The following NUMB variants were observed in gnomAD, a reference collection of about 807,000 sequenced individuals.
The protein encoded by NUMB is protein numb homolog.
Under a neutral mutation model 59.7 loss-of-function variants are expected in NUMB, and 29 were observed. The ratio of observed to expected loss-of-function variants is 0.49; its 90% CI spans 0.36 to 0.66. The LOEUF (loss-of-function observed/expected upper bound fraction) is 0.66. Among genes scored for constraint, NUMB ranks in the 30% least tolerant of loss-of-function variants. NUMB has a pLI of 0.00. For synonymous variants in NUMB, 288 were observed against 288.2 expected (o/e 1.00, Z 0.01); for missense variants, 723 against 822.0 (o/e 0.88, Z 1.47).
At chr14:73,301,513 C>T (rs1256800116) in intron 6 of NUMB, among the ~76,000 whole-genome samples, 1 of 152,220 alleles carries the variant, frequency 6.6e-6, no homozygotes, top group Non-Finnish European at 1.5e-5. Context: ...GGACAGCTCA[C>T]TGCAGCCTTG....
At chr14:73,386,053 A>AT (rs953803384) in intron 2 of NUMB, among the ~76,000 whole-genome samples, 8 of 151,212 alleles carry the variant, frequency 5.3e-5, no homozygotes, top group East Asian at 3.9e-4. Context: ...GGAACCTCCT[A>AT]TTTTTTTTTA....
chr14:73,288,237 G>A (rs1207602672), intron 8 of NUMB, among the ~76,000 whole-genome samples: 14 of 151,488 alleles, frequency 9.2e-5, no homozygotes, highest in East Asian at 5.8e-4. Flanking sequence ...AACACAGTGA[G>A]ACTCTGTCTC....
intron 1 of NUMB, among the ~76,000 whole-genome samples, chr14:73,451,147 C>A (rs1883910045): frequency 9.9e-6 from 1 of 100,860 alleles, no homozygotes; most frequent in Non-Finnish European, 1.9e-5. Context: ...GAGCAGGACT[C>A]TGTCTCAAAA....
chr14:73,385,911 C>G (rs1895497223), intron 2 of NUMB, among the ~76,000 whole-genome samples: 1 of 152,224 alleles, frequency 6.6e-6, no homozygotes, highest in East Asian at 1.9e-4. Context: ...ATAGTTAAGG[C>G]CCACAGTTAC....
chr14:73,352,423 A>AATAT lies in NUMB; in HGVS notation c.126+3199_126+3202dup, dbSNP rs575830888. 8.4e-3 allele frequency among the ~76,000 whole-genome samples: 657 copies of AATAT among 77,780 alleles called. 36 individuals carry two copies. Among genetic ancestry groups the AATAT allele is most frequent in the African/African-American group, 0.036 (627 of 17,224 alleles). The allele number at this position is 77,780 out of a possible 152,430, so 51.0% of individuals were successfully genotyped here. On this transcript the variant is annotated intron_variant, in intron 4 of 12. Coordinates refer to ENST00000555238, the MANE Select transcript of NUMB (RefSeq NM_001005743.2). ...AAAAGTATTTACCTTGGGTTGTAATAATATATATATACACACACACACACA... is the reference window on the plus strand; with the variant it reads ...AAAAGTATTTACCTTGGGTTGTAATAATATATATATATATACACACACACACACA...
chr14:73,352,437 C>T (rs752328150), intron 4 of NUMB, among the ~76,000 whole-genome samples: 7,250 of 25,520 alleles, frequency 0.28, 1,081 homozygotes, highest in Non-Finnish European at 0.29. Context: ...TATATATACA[C>T]ACACACACAC....
At chr14:73,366,759 C>T (rs1478836598) in intron 3 of NUMB, 138 bp downstream of exon 3, 1 of 152,180 alleles carries the variant, frequency 6.6e-6, no homozygotes, top group Admixed American at 6.5e-5. Flanking sequence ...GACAAAAACA[C>T]TCAGCATTAA....
intron 1 of NUMB, among the ~76,000 whole-genome samples, chr14:73,417,061 C>G (rs376639485): frequency 6.6e-6 from 1 of 151,792 alleles, no homozygotes; most frequent in African/African-American, 2.4e-5. Flanking sequence ...GAGAGGAGAT[C>G]GGTCACAGGA....
intron 1 of NUMB, chr14:73,457,804 A>C (rs1400494578): frequency 2.6e-5 from 4 of 152,298 alleles, no homozygotes; most frequent in African/African-American, 9.7e-5. Context: ...GACCCTCCGA[A>C]GACCTGCTGC....
intron 1 of NUMB, among the ~76,000 whole-genome samples, chr14:73,448,993 C>CG: frequency 7.2e-6 from 1 of 138,338 alleles, no homozygotes; most frequent in East Asian, 3.7e-4. Context: ...CAAATATATT[C>CG]GGAAAAAAAA....
chr14:73,276,831 C>T lies in NUMB; in HGVS notation c.1703G>A (p.Ser568Asn). The change falls in exon 13 of 13, where the codon AGC becomes AAC. Residue 568 changes from serine to asparagine, a missense_variant. Around this residue, in one of 2 missense-constraint regions of NUMB, gnomAD observed 406 missense variants for 385.4 expected, o/e 1.05. Transcript: ENST00000555238. ...RQQTFPHYEASSATTSPFFKP... is the reference protein window; with the variant it reads ...RQQTFPHYEANSATTSPFFKP... ...AAAGAAGGGACTGGTGGTAGCACTG[C>T]TTGCCTCGTAGTGAGGGAATGTCTG... 6.2e-7 allele frequency: 1 copy of T among 1,614,136 alleles called. No homozygotes were observed. Among genetic ancestry groups the T allele is most frequent in the Non-Finnish European group, 8.5e-7 (1 of 1,180,002 alleles).
At chr14:73,320,137 G>C (rs1177107370) in intron 5 of NUMB, among the ~76,000 whole-genome samples, 3 of 151,740 alleles carry the variant, frequency 2.0e-5, no homozygotes, top group African/African-American at 7.3e-5. Flanking sequence ...GACTCGGCGG[G>C]GGGGCAAAAA....
chr14:73,318,843 T>C (rs1439429068), intron 5 of NUMB, among the ~76,000 whole-genome samples: 1 of 150,286 alleles, frequency 6.7e-6, no homozygotes, highest in African/African-American at 2.5e-5. Context: ...TGTTTAGTTA[T>C]AATATTTTTT....
intron 8 of NUMB, among the ~76,000 whole-genome samples, chr14:73,289,190 C>T (rs950387069): frequency 2.7e-5 from 4 of 146,182 alleles, no homozygotes; most frequent in Non-Finnish European, 4.7e-5. Flanking sequence ...CCAACTCTAC[C>T]TCCCAACCAA....
Position 73,432,010 on chromosome 14 carries a change from C to CTCAAAAG in NUMB, c.-232-21949_-232-21943dup, listed in dbSNP as rs543565080. On this transcript the variant is annotated intron_variant, in intron 1 of 12. Transcript: ENST00000555238. ...AAAATTCAGGTATTTTAGCAGCACTCTCAAAAGTCCAGGCATAATTTTACT... is the reference window on the plus strand; with the variant it reads ...AAAATTCAGGTATTTTAGCAGCACTCTCAAAAGTCAAAAGTCCAGGCATAATTTTACT... Among the ~76,000 whole-genome samples, 37 of 152,116 alleles carry CTCAAAAG rather than the reference C, an allele frequency of 2.4e-4. 1 individual carries two copies. The South Asian group carries it at 7.7e-3, about 32-fold the overall frequency.
chr14:73,375,170 T>C (rs1894890258), intron 2 of NUMB, among the ~76,000 whole-genome samples: 1 of 152,214 alleles, frequency 6.6e-6, no homozygotes, highest in African/African-American at 2.4e-5. Flanking sequence ...CTAAGATATC[T>C]AGTCTTTCTT....
At position 73,380,724 on chromosome 14, in the gene NUMB, G is replaced by GTTT. The variant is rs759209884; in HGVS notation, c.-100-13746_-100-13744dup. Among the ~76,000 whole-genome samples the GTTT allele has an allele frequency of 1.5e-4, 20 of 131,164 alleles. 1 individual carries two copies. Among genetic ancestry groups the GTTT allele is most frequent in the Middle Eastern group, 4.0e-3 (1 of 252 alleles). 86.0% of individuals were successfully genotyped at this position (131,164 alleles called of 152,430 possible). The stretch of plus-strand genomic sequence containing the variant: ...ACTGATTGGGCACATTCATCAATTA[G>GTTT]TTTTTTTTTTTTTTTTTTGAGACAG... On this transcript the variant is annotated intron_variant, in intron 2 of 12. Transcript: ENST00000555238.
chr14:73,440,929 G>A (rs555249829), intron 1 of NUMB, among the ~76,000 whole-genome samples: 1 of 146,630 alleles, frequency 6.8e-6, no homozygotes, highest in East Asian at 2.0e-4. Context: ...GGAGATCCCT[G>A]TGTCTAAAAA....
At chr14:73,392,056 A>G (rs1200630130) in intron 2 of NUMB, among the ~76,000 whole-genome samples, 1 of 152,162 alleles carries the variant, frequency 6.6e-6, no homozygotes, top group East Asian at 1.9e-4. Flanking sequence ...TTTTTACATG[A>G]TGGGGAAATA....
Sources: allele counts gnomAD v4.1 joint callset (sites outside exome capture counted in the v4.1 genomes callset), GRCh38; gene constraint gnomAD v4.1.1; regional missense constraint gnomAD v4.1.1; transcripts MANE v1.5; gene names NCBI Gene and HGNC (gene_info 2026-07-23, HGNC 2026-07-21).